The following TENM2 variants were observed in gnomAD, a reference collection of about 807,000 sequenced individuals.
TENM2 encodes teneurin-2.
Under a neutral mutation model 245.2 loss-of-function variants are expected in TENM2, and 52 were observed. The observed-to-expected ratio is 0.21, with a 90% CI of 0.17 to 0.27. TENM2 has a LOEUF of 0.27. Ranked by LOEUF, TENM2 falls within the 10% of genes least tolerant of loss-of-function variation. The pLI is 1.00. For synonymous variants in TENM2, 1,363 were observed against 1,438.9 expected, an observed-to-expected ratio of 0.95 and a Z score of 1.19; for missense variants, 3,046 against 3,666.8, an observed-to-expected ratio of 0.83 and a Z score of 4.37.
At chr5:167,824,948 G>T (rs1767836667) in intron 2 of TENM2, among the ~76,000 whole-genome samples, 1 of 152,170 alleles carries the variant, frequency 6.6e-6, no homozygotes, top group African/African-American at 2.4e-5. Context: ...CGCCTGCAAA[G>T]GGAACTCACC....
At chr5:167,715,911 C>T (rs921287812) in intron 2 of TENM2, among the ~76,000 whole-genome samples, 3 of 152,052 alleles carry the variant, frequency 2.0e-5, no homozygotes, top group Non-Finnish European at 2.9e-5. Flanking sequence ...TTTTTTTAAG[C>T]GACTGAACAT....
chr5:167,578,220 A>G (rs1426269065), intron 2 of TENM2, among the ~76,000 whole-genome samples: 1 of 152,178 alleles, frequency 6.6e-6, no homozygotes, highest in Non-Finnish European at 1.5e-5. Flanking sequence ...ACGTCTGTCT[A>G]CAGGGCATCT....
chr5:167,739,624 C>T (rs776919984), intron 2 of TENM2, among the ~76,000 whole-genome samples: 2 of 152,118 alleles, frequency 1.3e-5, no homozygotes, highest in Non-Finnish European at 2.9e-5. Flanking sequence ...TTGGTGATGA[C>T]GGACTTTAGG....
chr5:167,837,267 A>C (rs762175452), intron 2 of TENM2, among the ~76,000 whole-genome samples: 1 of 152,138 alleles, frequency 6.6e-6, no homozygotes, highest in African/African-American at 2.4e-5. Context: ...CCATTACAAA[A>C]AGCTGAAAGA....
At chr5:167,753,303 G>A (rs1031923962) in intron 2 of TENM2, among the ~76,000 whole-genome samples, 3 of 152,252 alleles carry the variant, frequency 2.0e-5, no homozygotes, top group Admixed American at 2.0e-4. Context: ...CAAATATTGT[G>A]GAGTACTGTC....
At chr5:167,075,711 G>A in the TENM2 span, among the ~76,000 whole-genome samples, 1 of 152,094 alleles carries the variant, frequency 6.6e-6, no homozygotes, top group Admixed American at 6.5e-5. Flanking sequence ...TCCAATTATG[G>A]CTAAATAACA....
chr5:167,769,545 G>T (rs1488674858), intron 2 of TENM2, among the ~76,000 whole-genome samples: 2 of 152,040 alleles, frequency 1.3e-5, no homozygotes, highest in East Asian at 1.9e-4. Flanking sequence ...CTGTCCAGTT[G>T]CCACTTAAAA....
intron 1 of TENM2, among the ~76,000 whole-genome samples, chr5:167,331,907 A>G (rs889519847): frequency 6.6e-6 from 1 of 152,194 alleles, no homozygotes; most frequent in Non-Finnish European, 1.5e-5. Flanking sequence ...CTGGCATTAA[A>G]TACTGTATTT....
chr5:168,080,987 G>C (rs975945851), intron 7 of TENM2, among the ~76,000 whole-genome samples: 4 of 152,134 alleles, frequency 2.6e-5, no homozygotes, highest in African/African-American at 9.7e-5. Flanking sequence ...GGATATCCTT[G>C]TTAACTTTCT....
At chr5:167,395,107 A>C (rs1761978005) in intron 2 of TENM2, among the ~76,000 whole-genome samples, 1 of 152,090 alleles carries the variant, frequency 6.6e-6, no homozygotes, top group South Asian at 2.1e-4. Flanking sequence ...TAACAACATT[A>C]AGTCTTCCAA....
At chr5:167,726,810 A>T (rs372210175) in intron 2 of TENM2, among the ~76,000 whole-genome samples, 13 of 152,152 alleles carry the variant, frequency 8.5e-5, no homozygotes, top group East Asian at 5.8e-4. Context: ...ATCTATGCCC[A>T]AACCGTTGCT....
chr5:167,780,738 A>C (rs1390772593), intron 2 of TENM2, among the ~76,000 whole-genome samples: 1 of 152,176 alleles, frequency 6.6e-6, no homozygotes, highest in Admixed American at 6.5e-5. Flanking sequence ...AATTGATAAA[A>C]ATGTTGTGCC....
chr5:168,215,817 A>G (rs797000112), intron 21 of TENM2, among the ~76,000 whole-genome samples: 3 of 152,374 alleles, frequency 2.0e-5, no homozygotes, highest in African/African-American at 7.2e-5. Flanking sequence ...TCCATGGGCC[A>G]CAGTGCCAGC....
intron 1 of TENM2, among the ~76,000 whole-genome samples, chr5:167,293,887 A>C (rs1754798414): frequency 6.6e-6 from 1 of 152,044 alleles, no homozygotes; most frequent in South Asian, 2.1e-4. Context: ...ATTATGCTGC[A>C]TCTGCCCCTT....
intron 3 of TENM2, among the ~76,000 whole-genome samples, chr5:167,950,381 G>C (rs1447614737): frequency 6.6e-6 from 1 of 152,118 alleles, no homozygotes; most frequent in Non-Finnish European, 1.5e-5. Context: ...AAGGAGGAGG[G>C]TCTGGTATCT....
At chr5:168,160,890 G>T (rs556511027) in intron 12 of TENM2, among the ~76,000 whole-genome samples, 1 of 152,166 alleles carries the variant, frequency 6.6e-6, no homozygotes, top group Non-Finnish European at 1.5e-5. Flanking sequence ...AAATCGCTGG[G>T]CATGGTGGCA....
At chr5:167,092,749 C>CT in the TENM2 span, among the ~76,000 whole-genome samples, 1 of 152,092 alleles carries the variant, frequency 6.6e-6, no homozygotes, top group Non-Finnish European at 1.5e-5. Context: ...GACAACTGCA[C>CT]TATAGTCACT....
chr5:167,169,242 C>G, the TENM2 span, among the ~76,000 whole-genome samples: 1 of 152,084 alleles, frequency 6.6e-6, no homozygotes, highest in Admixed American at 6.6e-5. Context: ...GGCAGTAGAT[C>G]ACCAAGGTGA....
At chr5:167,700,845 A>AT (rs1758091579) in intron 2 of TENM2, among the ~76,000 whole-genome samples, 10 of 151,600 alleles carry the variant, frequency 6.6e-5, no homozygotes, top group Non-Finnish European at 1.2e-4. Flanking sequence ...TTCTATGTTC[A>AT]GTACCATTAT....
Sources: gnomAD v4.1 joint callset for allele counts (sites outside exome capture counted in the v4.1 genomes callset) on GRCh38, gnomAD v4.1.1 for gene constraint, MANE v1.5 for transcripts, NCBI Gene and HGNC (gene_info 2026-07-23, HGNC 2026-07-21) for gene names.